CLSTN2: variants seen among roughly 807,000 people sequenced by gnomAD.
The protein encoded by CLSTN2 is calsyntenin-2.
In CLSTN2, 48 loss-of-function variants were observed where a neutral mutation model predicts 101.2. That is an observed-to-expected ratio of 0.47 (90% CI 0.38 to 0.60). The LOEUF (loss-of-function observed/expected upper bound fraction) is 0.60. Ranked by LOEUF, CLSTN2 falls within the 20% of genes least tolerant of loss-of-function variation. The pLI is 0.00. For missense variants in CLSTN2, 1,160 were observed against 1,238.2 expected (o/e 0.94, Z 0.95); for synonymous variants, 481 against 463.6 (o/e 1.04, Z -0.48).
At chr3:140,095,008 T>A (rs2107787442) in intron 1 of CLSTN2, among the ~76,000 whole-genome samples, 1 of 152,348 alleles carries the variant, frequency 6.6e-6, no homozygotes, top group Non-Finnish European at 1.5e-5. Flanking sequence ...CAAGACTGAT[T>A]ATAGAACTTT....
At chr3:140,056,026 G>A (rs192203909) in intron 1 of CLSTN2, among the ~76,000 whole-genome samples, 4 of 152,274 alleles carry the variant, frequency 2.6e-5, no homozygotes, top group Admixed American at 6.5e-5. Context: ...CTTTGTGGTC[G>A]TTGGTACCAA....
At chr3:140,497,457 T>A (rs1193877829) in intron 8 of CLSTN2, among the ~76,000 whole-genome samples, 1 of 152,164 alleles carries the variant, frequency 6.6e-6, no homozygotes, top group African/African-American at 2.4e-5. Context: ...CCGAACCACC[T>A]GGACTCCCCG....
intron 2 of CLSTN2, among the ~76,000 whole-genome samples, chr3:140,257,467 A>C (rs543722026): frequency 5.3e-5 from 8 of 152,218 alleles, no homozygotes; most frequent in Admixed American, 5.2e-4. Flanking sequence ...ACTATTGTTC[A>C]GTTATTTATA....
intron 2 of CLSTN2, among the ~76,000 whole-genome samples, chr3:140,383,708 C>T (rs150617639): frequency 7.7e-4 from 118 of 152,294 alleles, no homozygotes; most frequent in African/African-American, 2.8e-3. Context: ...TCTCTCTTCC[C>T]ACTTCTAGGC....
chr3:140,279,712 A>C (rs1174745976), intron 2 of CLSTN2, among the ~76,000 whole-genome samples: 1 of 152,174 alleles, frequency 6.6e-6, no homozygotes, highest in East Asian at 1.9e-4. Flanking sequence ...TGTCCCTGGC[A>C]CCTGTCAGTA....
chr3:140,233,358 G>A (rs4557115), intron 2 of CLSTN2, among the ~76,000 whole-genome samples: 5,937 of 152,150 alleles, frequency 0.039, 356 homozygotes, highest in African/African-American at 0.13. Flanking sequence ...CGGATTCTGG[G>A]CTGTATAGGT....
intron 1 of CLSTN2, among the ~76,000 whole-genome samples, chr3:140,098,447 A>T (rs7652623): frequency 6.6e-6 from 1 of 152,016 alleles, no homozygotes; most frequent in Non-Finnish European, 1.5e-5. Flanking sequence ...CTGATTTCTC[A>T]CCAGCTGTCA....
chr3:140,129,947 C>G (rs2009498413), intron 1 of CLSTN2, among the ~76,000 whole-genome samples: 1 of 152,204 alleles, frequency 6.6e-6, no homozygotes, highest in Non-Finnish European at 1.5e-5. Context: ...CAAGGGGACA[C>G]AGCGTTGTCC....
At chr3:140,377,022 C>CACACAGAGAG (rs148236356) in intron 2 of CLSTN2, among the ~76,000 whole-genome samples, 3 of 148,722 alleles carry the variant, frequency 2.0e-5, no homozygotes, top group East Asian at 4.0e-4. Flanking sequence ...CACACATACA[C>CACACAGAGAG]AGAGAGAGAG....
At chr3:140,480,718 C>G (rs1271058489) in intron 8 of CLSTN2, among the ~76,000 whole-genome samples, 5 of 152,052 alleles carry the variant, frequency 3.3e-5, no homozygotes, top group Non-Finnish European at 7.4e-5. Context: ...ATTTTTTCAT[C>G]TGTCTTTTGC....
At chr3:140,334,175 G>T (rs1174492077) in intron 2 of CLSTN2, among the ~76,000 whole-genome samples, 2 of 152,136 alleles carry the variant, frequency 1.3e-5, no homozygotes, top group Non-Finnish European at 2.9e-5. Flanking sequence ...GATGGAGATA[G>T]TACATATAAA....
intron 6 of CLSTN2, among the ~76,000 whole-genome samples, chr3:140,458,169 AT>A (rs11434420): frequency 1.6e-3 from 237 of 146,236 alleles, no homozygotes; most frequent in Middle Eastern, 6.9e-3. Context: ...ATGGTAGGAG[AT>A]TTTTTTTTTT....
At chr3:140,196,355 G>T (rs1158192676) in intron 2 of CLSTN2, among the ~76,000 whole-genome samples, 1 of 152,198 alleles carries the variant, frequency 6.6e-6, no homozygotes, top group Non-Finnish European at 1.5e-5. Flanking sequence ...GCAGATGTAG[G>T]ATTTGTTCAT....
chr3:140,517,921 C>G (rs1415748360), intron 8 of CLSTN2, among the ~76,000 whole-genome samples: 1 of 152,058 alleles, frequency 6.6e-6, no homozygotes, highest in East Asian at 1.9e-4. Context: ...GCTACCAGGG[C>G]AGGTAGAGAA....
chr3:139,976,417 A>T (rs982023209), intron 1 of CLSTN2, among the ~76,000 whole-genome samples: 2 of 152,254 alleles, frequency 1.3e-5, no homozygotes, highest in South Asian at 4.1e-4. Flanking sequence ...TGCTCTGCAT[A>T]TGGGATTTCA....
intron 1 of CLSTN2, among the ~76,000 whole-genome samples, chr3:139,947,170 G>A (rs73867234): frequency 0.05 from 7,567 of 152,264 alleles, 581 homozygotes; most frequent in African/African-American, 0.17. Context: ...ACCCAAAGGA[G>A]TGAATCACTA....
At chr3:140,390,006 A>C (rs2088095751) in intron 2 of CLSTN2, among the ~76,000 whole-genome samples, 2 of 151,892 alleles carry the variant, frequency 1.3e-5, no homozygotes, top group Non-Finnish European at 2.9e-5. Context: ...ATTATGTATG[A>C]TTAATGTTAT....
At chr3:139,963,198 C>G (rs1039099461) in intron 1 of CLSTN2, among the ~76,000 whole-genome samples, 2 of 152,084 alleles carry the variant, frequency 1.3e-5, no homozygotes, top group East Asian at 3.9e-4. Context: ...ACTTCTTCAG[C>G]CTCTGCTTCC....
At chr3:140,001,202 T>A (rs1170348010) in intron 1 of CLSTN2, among the ~76,000 whole-genome samples, 1 of 152,166 alleles carries the variant, frequency 6.6e-6, no homozygotes, top group East Asian at 1.9e-4. Context: ...GTACAACTCT[T>A]ACTACGTGTA....
Sources: gnomAD v4.1 joint callset for allele counts (sites outside exome capture counted in the v4.1 genomes callset) on GRCh38, gnomAD v4.1.1 for gene constraint, MANE v1.5 for transcripts, NCBI Gene and HGNC (gene_info 2026-07-23, HGNC 2026-07-21) for gene names.